The following GRIN2A variants were observed in gnomAD, a reference collection of about 807,000 sequenced individuals.
GRIN2A encodes glutamate ionotropic receptor NMDA type subunit 2A.
A neutral mutation model predicts 113.4 loss-of-function variants in GRIN2A; 22 were observed. That is an observed-to-expected ratio of 0.19 (90% CI 0.14 to 0.28). The LOEUF (loss-of-function observed/expected upper bound fraction) is 0.28, where lower values mean the gene tolerates loss of function less well. GRIN2A is among the 10% of genes least tolerant of loss of function. The pLI, the probability that GRIN2A is intolerant of heterozygous loss-of-function variation, is 1.00. For missense variants in GRIN2A, 1,502 were observed against 1,887.0 expected (o/e 0.80, Z 3.78); for synonymous variants, 827 against 738.4 (o/e 1.12, Z -1.94).
intron 2 of GRIN2A, among the ~76,000 whole-genome samples, chr16:10,097,728 C>G (rs1213773513): frequency 6.6e-6 from 1 of 152,130 alleles, no homozygotes; most frequent in Non-Finnish European, 1.5e-5. Context: ...TTCTTAAGAC[C>G]CTTCATCTAA....
At chr16:10,158,179 A>AT (rs1000865649) in intron 2 of GRIN2A, among the ~76,000 whole-genome samples, 11 of 151,854 alleles carry the variant, frequency 7.2e-5, no homozygotes, top group African/African-American at 2.7e-4. Flanking sequence ...TAATTTTCAT[A>AT]TTTTTTGTAG....
At position 10,161,091 on chromosome 16, in the gene GRIN2A, C is replaced by A. The variant is rs146632339; in HGVS notation, c.414+18907G>T. On this transcript the variant is annotated intron_variant, in intron 2 of 12. Transcript: ENST00000330684. ...TCTCATCTTGAATTGTAGTTCCCATCATCCTCACGTGTTGTGGGAGGGACC... is the reference window on the plus strand; with the variant it reads ...TCTCATCTTGAATTGTAGTTCCCATAATCCTCACGTGTTGTGGGAGGGACC... Among the ~76,000 whole-genome samples the A allele has an allele frequency of 4.5e-3, 692 of 152,336 alleles. 2 individuals carry two copies. Among genetic ancestry groups the A allele is most frequent in the African/African-American group, 0.015 (613 of 41,566 alleles).
chr16:10,038,704 C>T (rs563012282), intron 2 of GRIN2A, among the ~76,000 whole-genome samples: 1 of 151,488 alleles, frequency 6.6e-6, no homozygotes, highest in Non-Finnish European at 1.5e-5. Flanking sequence ...AAAAATTACC[C>T]GGGCATGGCA....
chr16:10,181,492 A>G (rs994931507), intron 1 of GRIN2A: 1 of 152,308 alleles, frequency 6.6e-6, no homozygotes, highest in African/African-American at 2.4e-5. Flanking sequence ...GCACTTCCTC[A>G]GACTGCTGTA....
Position 10,181,974 on chromosome 16 carries a change from C to G in GRIN2A, c.-116G>C, listed in dbSNP as rs1174250872. ...ACCGGGTTTAGCGGGTTCCCGCATG[C>G]TGCGGCCCCAGCGCGCTCCCCTGGC... is the stretch of plus-strand genomic sequence containing the variant. On this transcript the variant is annotated 5_prime_UTR_variant, in exon 1 of 13. Transcript: ENST00000330684. 4 of 152,730 alleles carry G rather than the reference C, an allele frequency of 2.6e-5. No homozygotes were observed. Among genetic ancestry groups the G allele is most frequent in the African/African-American group, 9.6e-5 (4 of 41,480 alleles). 9.5% of individuals were successfully genotyped at this position (152,730 alleles called of 1,614,324 possible). A position where few individuals can be genotyped will look rare whatever the true frequency, so the allele number is the denominator to read the frequency against.
chr16:9,892,835 A>G (rs2043722514), intron 3 of GRIN2A, among the ~76,000 whole-genome samples: 1 of 152,012 alleles, frequency 6.6e-6, no homozygotes, highest in African/African-American at 2.4e-5. Flanking sequence ...GACACAAGAT[A>G]CATCCAATAT....
At chr16:9,955,761 T>C (rs1323932487) in intron 2 of GRIN2A, among the ~76,000 whole-genome samples, 1 of 152,224 alleles carries the variant, frequency 6.6e-6, no homozygotes, top group Non-Finnish European at 1.5e-5. Context: ...TACTGGCTTG[T>C]TTTGAATGAG....
At chr16:9,926,356 C>G (rs550798772) in intron 3 of GRIN2A, among the ~76,000 whole-genome samples, 1 of 152,194 alleles carries the variant, frequency 6.6e-6, no homozygotes, top group East Asian at 1.9e-4. Context: ...ATTAGAGGCG[C>G]CTCTCCAATC....
chr16:9,838,597 T>G (rs1336682552), intron 7 of GRIN2A, among the ~76,000 whole-genome samples: 1 of 152,170 alleles, frequency 6.6e-6, no homozygotes, highest in East Asian at 1.9e-4. Flanking sequence ...GGTATGTAGA[T>G]GCTGAATAAA....
chr16:9,780,994 C>CTTTT (rs5815547), intron 11 of GRIN2A, among the ~76,000 whole-genome samples: 25,426 of 145,170 alleles, frequency 0.18, 2,719 homozygotes, highest in Middle Eastern at 0.27. Flanking sequence ...GGTCACTAAT[C>CTTTT]TTTTTTTTTT....
intron 2 of GRIN2A, among the ~76,000 whole-genome samples, chr16:9,979,077 A>G (rs2045833315): frequency 6.6e-6 from 1 of 152,182 alleles, no homozygotes; most frequent in South Asian, 2.1e-4. Flanking sequence ...AGCACAGCTT[A>G]AACTGACCCC....
At chr16:9,893,371 C>T (rs542040476) in intron 3 of GRIN2A, among the ~76,000 whole-genome samples, 3 of 152,174 alleles carry the variant, frequency 2.0e-5, no homozygotes, top group African/African-American at 4.8e-5. Flanking sequence ...TAAAACACTG[C>T]TATTCTAGAA....
At chr16:9,799,322 A>G (rs1254551202) in intron 10 of GRIN2A, among the ~76,000 whole-genome samples, 1 of 152,232 alleles carries the variant, frequency 6.6e-6, no homozygotes, top group Non-Finnish European at 1.5e-5. Context: ...GGAGAACGCC[A>G]TATGAAGACT....
intron 2 of GRIN2A, among the ~76,000 whole-genome samples, chr16:9,980,313 C>T (rs2045866953): frequency 6.6e-6 from 1 of 151,124 alleles, no homozygotes; most frequent in Non-Finnish European, 1.5e-5. Context: ...GTTAGAATGG[C>T]GATCATTAAA....
At chr16:9,895,593 G>A (rs1324779770) in intron 3 of GRIN2A, among the ~76,000 whole-genome samples, 1 of 152,194 alleles carries the variant, frequency 6.6e-6, no homozygotes, top group Admixed American at 6.5e-5. Context: ...GAATAGAGAC[G>A]ACGGTCAAAG....
intron 2 of GRIN2A, among the ~76,000 whole-genome samples, chr16:10,172,662 T>C (rs2050066566): frequency 6.6e-6 from 1 of 152,204 alleles, no homozygotes; most frequent in Non-Finnish European, 1.5e-5. Context: ...ACTGTTGCCA[T>C]AGGGGGAATC....
intron 2 of GRIN2A, among the ~76,000 whole-genome samples, chr16:10,018,609 A>T (rs1443937475): frequency 1.3e-5 from 2 of 152,106 alleles, no homozygotes; most frequent in Non-Finnish European, 2.9e-5. Context: ...CCTCTGGTCC[A>T]CCTATTGCTG....
intron 2 of GRIN2A, among the ~76,000 whole-genome samples, chr16:9,970,257 G>A (rs1596374319): frequency 6.6e-6 from 1 of 152,096 alleles, no homozygotes; most frequent in East Asian, 1.9e-4. Context: ...GACCTGTAAG[G>A]TTCATAGTCC....
At chr16:9,982,509 T>C (rs2045910137) in intron 2 of GRIN2A, among the ~76,000 whole-genome samples, 1 of 152,212 alleles carries the variant, frequency 6.6e-6, no homozygotes, top group African/African-American at 2.4e-5. Flanking sequence ...GAAGAACTGA[T>C]ACAAGAAGGG....
Sources: allele counts gnomAD v4.1 joint callset (sites outside exome capture counted in the v4.1 genomes callset), GRCh38; gene constraint gnomAD v4.1.1; transcripts MANE v1.5; gene names NCBI Gene and HGNC (gene_info 2026-07-23, HGNC 2026-07-21).